Variants in S100PBP observed in about 807,000 individuals in gnomAD.
S100PBP encodes the protein S100P binding protein.
Under a neutral mutation model 39.9 loss-of-function variants are expected in S100PBP, and 15 were observed. The ratio of observed to expected loss-of-function variants is 0.38; its 90% CI spans 0.25 to 0.58. The LOEUF is 0.58. Ranked by LOEUF, S100PBP falls within the 20% of genes least tolerant of loss-of-function variation. S100PBP has a pLI of 0.70. For synonymous variants in S100PBP, 178 were observed against 180.3 expected (o/e 0.99, Z 0.10); for missense variants, 504 against 487.3 (o/e 1.03, Z -0.32).
In S100PBP at chr1:32,857,039, G is replaced by C. The variant is rs150882698; in HGVS notation, c.*1001G>C. The C allele has an allele frequency of 7.3e-4, 111 of 152,216 alleles. No homozygotes were observed. Among genetic ancestry groups the C allele is most frequent in the African/African-American group, 2.6e-3 (106 of 41,534 alleles). The allele number at this position is 152,216 out of a possible 1,614,324, so 9.4% of individuals were successfully genotyped here. ...GTTTCATTTGCTGAACCCCAAATTT[G>C]AGTGTTAGTTAGGGAGCCTCCATTC... On this transcript the variant is annotated 3_prime_UTR_variant, in exon 7 of 7. Transcript: ENST00000373475.
chr1:32,826,635 A>G lies in S100PBP; in HGVS notation c.536A>G (p.Glu179Gly). Residue 179 changes from glutamate (E) to glycine (G), a missense_variant, in exon 3 of 7, where the codon GAA (glutamate) becomes GGA (glycine). Coordinates refer to ENST00000373475, the MANE Select transcript of S100PBP (RefSeq NM_022753.4). The stretch of plus-strand genomic sequence containing the variant: ...ACTGAAAAACTCTCTTCCCTTGGAG[A>G]AGAGATGAGAGAAGATGGTCTTAGC... ...KDTEKLSSLG[E>G]EMREDGLSPN... The G allele has an allele frequency of 1.9e-6, 3 of 1,614,156 alleles. No individual in the cohort carries two copies. Among genetic ancestry groups the G allele is most frequent in the Non-Finnish European group, 2.5e-6 (3 of 1,180,032 alleles).
intron 5 of S100PBP, among the ~76,000 whole-genome samples, chr1:32,837,346 CGT>C (rs1557498442): frequency 6.8e-6 from 1 of 147,654 alleles, no homozygotes; most frequent in African/African-American, 2.5e-5. Context: ...AGTGCAGTGG[CGT>C]AATCTGAGCT....
At chr1:32,822,345 G>C (rs1569827877) in intron 1 of S100PBP, among the ~76,000 whole-genome samples, 1 of 152,288 alleles carries the variant, frequency 6.6e-6, no homozygotes, top group South Asian at 2.1e-4. Context: ...GGGCGCGGTG[G>C]CTCACGCCTG....
chr1:32,855,109 T>C (rs1640770965), intron 6 of S100PBP, among the ~76,000 whole-genome samples: 1 of 152,204 alleles, frequency 6.6e-6, no homozygotes, highest in South Asian at 2.1e-4. Context: ...GTTACAGTTA[T>C]TTTCAACCCT....
chr1:32,830,101 A>G, intron 5 of S100PBP, 34 bp downstream of exon 5: 1 of 1,284,820 alleles, frequency 7.8e-7, no homozygotes, highest in South Asian at 1.2e-5. Context: ...CATATAAAAC[A>G]TGTGATGTGA....
rs5773387 is a variant in S100PBP, at chr1:32,820,144, C to CTTTTTTT, written c.-120+2469_-120+2475dup. Among the ~76,000 whole-genome samples the CTTTTTTT allele has an allele frequency of 3.8e-4, 40 of 104,790 alleles. 1 individual carries two copies. Among genetic ancestry groups the CTTTTTTT allele is most frequent in the Admixed American group, 4.0e-4 (3 of 7,556 alleles). The allele number at this position is 104,790 out of a possible 152,430, so 68.7% of individuals were successfully genotyped here. The stretch of plus-strand genomic sequence containing the variant: ...ACTCTTTTTTCCTACCGTTCCTATG[C>CTTTTTTT]TTTTTTTTTTTTTTTTTTTTGAGAT... On this transcript the variant is annotated intron_variant, in intron 1 of 6. Transcript: ENST00000373475.
chr1:32,832,715 C>G (rs1639654657), intron 5 of S100PBP, among the ~76,000 whole-genome samples: 1 of 152,162 alleles, frequency 6.6e-6, no homozygotes, highest in Non-Finnish European at 1.5e-5. Context: ...GAGCGTAGTA[C>G]TTCTTGTCCT....
At chr1:32,836,283 C>G (rs1429930506) in intron 5 of S100PBP, 2 of 152,232 alleles carry the variant, frequency 1.3e-5, no homozygotes, top group Non-Finnish European at 2.9e-5. Flanking sequence ...CAGGCGCACT[C>G]CACCACGTCT....
At chr1:32,830,646 T>TATTGACTGAATGG (rs1639553510) in intron 5 of S100PBP, among the ~76,000 whole-genome samples, 2 of 152,202 alleles carry the variant, frequency 1.3e-5, no homozygotes, top group Non-Finnish European at 2.9e-5. Context: ...TCATTCAGCC[T>TATTGACTGAATGG]GAACTATTGG....
rs142338004 is a variant in S100PBP, at chr1:32,826,813, C to T, written c.714C>T (p.Phe238=). ...ACAGTGAGAACCCTACGTCTGTATT[C>T]TCTCGGATCTCAGACCATTCAGAGA... ...MPDSENPTSV[F]SRISDHSETP... is the part of the protein sequence containing the mutation. Residue 238 remains phenylalanine, a synonymous_variant, in exon 3 of 7, where the codon TTC becomes TTT. Transcript: ENST00000373475. The T allele has an allele frequency of 1.3e-4, 203 of 1,614,018 alleles. No homozygotes were observed. Among genetic ancestry groups the T allele is most frequent in the Middle Eastern group, 1.6e-4 (1 of 6,062 alleles).
chr1:32,819,072 G>A (rs1453038132), intron 1 of S100PBP, among the ~76,000 whole-genome samples: 1 of 152,012 alleles, frequency 6.6e-6, no homozygotes, highest in Admixed American at 6.6e-5. Context: ...TCTGAGGTGA[G>A]ATAAAAATAG....
chr1:32,819,108 A>C (rs1167204992), intron 1 of S100PBP, among the ~76,000 whole-genome samples: 3 of 152,118 alleles, frequency 2.0e-5, no homozygotes, highest in Non-Finnish European at 4.4e-5. Flanking sequence ...CTGAGGTTGC[A>C]ACCAGGAGGT....
At chr1:32,820,142 T>G (rs1253379301) in intron 1 of S100PBP, among the ~76,000 whole-genome samples, 1 of 111,506 alleles carries the variant, frequency 9.0e-6, no homozygotes, top group African/African-American at 3.4e-5. Context: ...ACCGTTCCTA[T>G]GCTTTTTTTT....
At chr1:32,853,008 A>C (rs1417923551) in intron 5 of S100PBP, 71 bp from the exon 6 acceptor site, 1 of 1,032,730 alleles carries the variant, frequency 9.7e-7, no homozygotes, top group African/African-American at 1.6e-5. Context: ...TTTCCCTGAA[A>C]ACACATACTT....
At chr1:32,838,378 G>C (rs915674298) in intron 5 of S100PBP, among the ~76,000 whole-genome samples, 2 of 149,866 alleles carry the variant, frequency 1.3e-5, no homozygotes. Flanking sequence ...CTGCCAAACT[G>C]TTCCCAAGTA....
chr1:32,851,077 T>C (rs1032776805), intron 5 of S100PBP, among the ~76,000 whole-genome samples: 3 of 152,190 alleles, frequency 2.0e-5, no homozygotes, highest in Non-Finnish European at 1.5e-5. Context: ...TAGTGAGCCC[T>C]GAAGAAGTGA....
In S100PBP at chr1:32,830,063, C is replaced by G. The variant is rs145706037; in HGVS notation, c.1020C>G (p.Asn340Lys). 3.3e-4 allele frequency: 520 copies of G among 1,589,842 alleles called. No homozygotes were observed. The highest frequency in any genetic ancestry group is 4.3e-4 in the Non-Finnish European group (500 of 1,158,430). ...ATATAGAAGACCCAGAGGACACTAA[C>G]CAAGGTAACATGGTACCCAGAGAAA... ...IAHIEDPEDT[N>K]QGISGELCAL... The change falls in exon 5 of 7, where the codon AAC (asparagine) becomes AAG (lysine). Residue 340 changes from asparagine (N) to lysine (K), a missense_variant. Asn to Lys is a moderately conservative substitution (Grantham distance 94, BLOSUM62 0). Coordinates refer to ENST00000373475, the MANE Select transcript of S100PBP (RefSeq NM_022753.4).
At chr1:32,842,236 T>TATATATATATACACAC (rs372174677) in intron 5 of S100PBP, among the ~76,000 whole-genome samples, 31 of 80,870 alleles carry the variant, frequency 3.8e-4, no homozygotes, top group Middle Eastern at 8.5e-3. Context: ...TATATATATA[T>TATATATATATACACAC]ACACACACAC....
In S100PBP at chr1:32,849,995, A is replaced by G. The variant is rs1640546087; in HGVS notation, c.1025-3084A>G. ...ACAGTGCCTTTATTTATTTATTTAA[A>G]CAGGCTTGATATATAATGTTATATA... On this transcript the variant is annotated intron_variant, in intron 5 of 6. Coordinates refer to ENST00000373475, the MANE Select transcript of S100PBP (RefSeq NM_022753.4). 5.3e-5 allele frequency among the ~76,000 whole-genome samples: 8 copies of G among 152,338 alleles called. No individual in the cohort carries two copies. The South Asian group carries it at 1.7e-3, about 32-fold the overall frequency.
Sources: gnomAD v4.1 joint callset for allele counts (sites outside exome capture counted in the v4.1 genomes callset) on GRCh38, gnomAD v4.1.1 for gene constraint, MANE v1.5 for transcripts, NCBI Gene and HGNC (gene_info 2026-07-23, HGNC 2026-07-21) for gene names.